MRPS2: variants seen among roughly 807,000 people sequenced by gnomAD.
The protein encoded by MRPS2 is mitochondrial ribosomal protein S2, also known as small ribosomal subunit protein uS2m.
In MRPS2, 13 loss-of-function variants were observed where a neutral mutation model predicts 18.9. The ratio of observed to expected loss-of-function variants is 0.69; its 90% CI spans 0.45 to 1.09. The LOEUF is 1.09. Among genes scored for constraint, MRPS2 ranks in the 50% least tolerant of loss-of-function variants. MRPS2 has a pLI of 0.00. For missense variants in MRPS2, 389 were observed against 421.7 expected (o/e 0.92, Z 0.68); for synonymous variants, 186 against 178.4 (o/e 1.04, Z -0.34).
At chr9:135,500,583 G>C, upstream of MRPS2, 1 of 1,083,350 alleles carries the variant, frequency 9.2e-7, no homozygotes, top group Non-Finnish European at 1.2e-6. Context: ...GGTCCCAGCC[G>C]CCTGGGGACA....
chr9:135,501,756 T>G (rs1317637036), intron 2 of MRPS2, 88 bp from the exon 3 acceptor site: 1 of 1,559,764 alleles, frequency 6.4e-7, no homozygotes, highest in African/African-American at 1.4e-5. Context: ...AGAAGGCACT[T>G]GGGAGCAGGG....
intron 3 of MRPS2, 142 bp from the exon 4 acceptor site, chr9:135,503,400 G>C (rs114368209): frequency 7.2e-7 from 1 of 1,387,012 alleles, no homozygotes; most frequent in South Asian, 1.5e-5. Flanking sequence ...CACGGGGAGC[G>C]TTGCAAATTG....
In MRPS2 at chr9:135,503,606, G is replaced by A. The variant is rs1822899539; in HGVS notation, c.364G>A (p.Ala122Thr). The A allele has an allele frequency of 6.2e-7, 1 of 1,613,788 alleles. No homozygotes were observed. Among genetic ancestry groups the A allele is most frequent in the Non-Finnish European group, 8.5e-7 (1 of 1,180,030 alleles). Residue 122 changes from alanine to threonine, a missense_variant, in exon 4 of 4, where the codon GCC becomes ACC. Coordinates refer to ENST00000241600, the MANE Select transcript of MRPS2 (RefSeq NM_016034.5). ...CGACATCATCGACCTGGAACAGACA[G>A]CCACGCACCTCCAGCTGGCCTTGAA... ...DHDIIDLEQT[A>T]THLQLALNFT... is the part of the protein sequence containing the mutation.
chr9:135,500,896 G>T, intron 1 of MRPS2, 102 bp from the exon 2 acceptor site: 2 of 1,568,120 alleles, frequency 1.3e-6, no homozygotes, highest in Non-Finnish European at 1.7e-6. Context: ...GGACGCGGAG[G>T]GGACCCGTTA....
chr9:135,500,031 A>C (rs1183317916), upstream of MRPS2: 2 of 693,080 alleles, frequency 2.9e-6, no homozygotes, highest in Non-Finnish European at 4.5e-6. Context: ...GGACGGCGAG[A>C]GATTCCCTGC....
At chr9:135,502,246 G>C in intron 3 of MRPS2, 1 of 1,265,554 alleles carries the variant, frequency 7.9e-7, no homozygotes, top group African/African-American at 1.5e-5. Context: ...AAATGGAAAG[G>C]CTGAGGGCAG....
In MRPS2 at chr9:135,504,318, C is replaced by T; in HGVS notation, c.*185C>T. 1 of 634,076 alleles carries T rather than the reference C, an allele frequency of 1.6e-6. No individual in the cohort carries two copies. The highest frequency in any genetic ancestry group is 2.7e-6 in the Non-Finnish European group (1 of 368,050). 39.3% of individuals were successfully genotyped at this position (634,076 alleles called of 1,614,324 possible). On this transcript the variant is annotated 3_prime_UTR_variant, in exon 4 of 4. Transcript: ENST00000241600. This position sits in a 1 kb window ranked among gnomAD's most constrained non-coding sequence, Gnocchi z 4.3. ...GGACCAACGTTGCCATGTGCGTTTGCTCTGTGGGGAACAGAGCACAGAGGG... is the reference window on the plus strand; with the variant it reads ...GGACCAACGTTGCCATGTGCGTTTGTTCTGTGGGGAACAGAGCACAGAGGG...
chr9:135,503,419 A>C, intron 3 of MRPS2, 123 bp from the exon 4 acceptor site: 1 of 1,389,874 alleles, frequency 7.2e-7, no homozygotes, highest in Non-Finnish European at 9.5e-7. Context: ...TGTGCTTCCC[A>C]GCCCATAGTG....
rs374733067 is a variant in MRPS2, at chr9:135,503,867, G to A, written c.625G>A (p.Val209Met). Residue 209 changes from valine (V) to methionine (M), a missense_variant, in exon 4 of 4, where the codon GTG becomes ATG. By Grantham distance (21) the Val-to-Met change is conservative (BLOSUM62 1). Transcript: ENST00000241600. ...CAACATCTTTGAGCCACACGTGGCC[G>A]TGAGAGACGCAGCCAAGATGAACAT... ...LNNIFEPHVA[V>M]RDAAKMNIPT... The A allele has an allele frequency of 2.1e-5, 34 of 1,613,862 alleles. No homozygotes were observed. Among genetic ancestry groups the A allele is most frequent in the African/African-American group, 1.5e-4 (11 of 74,940 alleles).
rs144195264 is a variant in MRPS2 at position 135,503,307 on chromosome 9, G to A, written c.300-235G>A. 3.6e-4 allele frequency: 508 copies of A among 1,404,822 alleles called. No individual in the cohort carries two copies. In the African/African-American group the frequency reaches 4.1e-3, roughly 11 times the overall value. 87.0% of individuals were successfully genotyped at this position (1,404,822 alleles called of 1,614,324 possible). Reference sequence around the variant, plus strand: ...AGTTCTATTAGGATTCCTTCGGGAAGAGGTAGAGGGTAGGAGGGGTTAAGC... The same window carrying A: ...AGTTCTATTAGGATTCCTTCGGGAAAAGGTAGAGGGTAGGAGGGGTTAAGC... On this transcript the variant is annotated intron_variant, in intron 3 of 3. Transcript: ENST00000241600.
At position 135,501,985 on chromosome 9, in the gene MRPS2, C is replaced by A. The variant is rs1202398598; in HGVS notation, c.299+12C>A. 6 of 1,613,050 alleles carry A rather than the reference C, an allele frequency of 3.7e-6. No homozygotes were observed. In the Admixed American group the frequency reaches 8.3e-5, roughly 22 times the overall value. On this transcript the variant is annotated intron_variant, in intron 3 of 3. Coordinates refer to ENST00000241600, the MANE Select transcript of MRPS2 (RefSeq NM_016034.5). ...GGCTGTCGGCACAGGTAGGTGACAC[C>A]CCCATCTGAGCCCGGGGCGGTTCCC...
chr9:135,504,032 C>G lies in MRPS2; in HGVS notation c.790C>G (p.Arg264Gly). 1 of 1,613,336 alleles carries G rather than the reference C, an allele frequency of 6.2e-7. No homozygotes were observed. The highest frequency in any genetic ancestry group is 1.1e-5 in the South Asian group (1 of 91,082). The change falls in exon 4 of 4, where the codon CGG becomes GGG. Residue 264 changes from arginine to glycine, a missense_variant. Coordinates refer to ENST00000241600, the MANE Select transcript of MRPS2 (RefSeq NM_016034.5). This position sits in a 1 kb window ranked among gnomAD's most constrained non-coding sequence, Gnocchi z 4.3. ...QTAITRAKEK[R>G]QQVEALYRLQ... is the part of the protein sequence containing the mutation. ...GGCCATCACCCGGGCCAAGGAGAAG[C>G]GGCAGCAGGTTGAGGCTCTCTATCG...
chr9:135,504,386 C>T lies in MRPS2; in HGVS notation c.*253C>T. 1 of 537,110 alleles carries T rather than the reference C, an allele frequency of 1.9e-6. No individual in the cohort carries two copies. The allele number at this position is 537,110 out of a possible 1,614,324, so 33.3% of individuals were successfully genotyped here. ...ACGGCCCCTTGGCTGCAGTTAGGACCTCAGTGGCTGGTATGGCCAAGCTGC... is the reference window on the plus strand; with the variant it reads ...ACGGCCCCTTGGCTGCAGTTAGGACTTCAGTGGCTGGTATGGCCAAGCTGC... On this transcript the variant is annotated 3_prime_UTR_variant, in exon 4 of 4. Coordinates refer to ENST00000241600, the MANE Select transcript of MRPS2 (RefSeq NM_016034.5). The surrounding 1 kb of genome is among the most constrained non-coding windows in gnomAD (Gnocchi z 4.3).
At chr9:135,503,097 G>GATCCAAA (rs1202298128) in intron 3 of MRPS2, 1 of 1,000,134 alleles carries the variant, frequency 1.0e-6, no homozygotes, top group East Asian at 1.1e-4. Flanking sequence ...GCCCAGGCTT[G>GATCCAAA]GCCACTCCTG....
At chr9:135,503,273 T>C in intron 3 of MRPS2, 2 of 1,324,044 alleles carry the variant, frequency 1.5e-6, no homozygotes, top group East Asian at 3.1e-5. Flanking sequence ...CACACATCCA[T>C]ATGGGGTCAG....
chr9:135,503,253 G>A (rs1831193245), intron 3 of MRPS2: 2 of 1,270,746 alleles, frequency 1.6e-6, no homozygotes. Context: ...TTGGCGTCAT[G>A]TTGGATGTCC....
At chr9:135,501,667 T>A in intron 2 of MRPS2, 177 bp from the exon 3 acceptor site, 1 of 1,421,216 alleles carries the variant, frequency 7.0e-7, no homozygotes, top group Non-Finnish European at 9.2e-7. Flanking sequence ...GCTCCAGCCC[T>A]CTGTTTCCTG....
rs770650168 is a variant in MRPS2, at chr9:135,504,393, G to A, written c.*260G>A. 3.8e-6 allele frequency: 2 copies of A among 528,566 alleles called. No homozygotes were observed. Among genetic ancestry groups the A allele is most frequent in the Non-Finnish European group, 6.7e-6 (2 of 299,042 alleles). The allele number at this position is 528,566 out of a possible 1,614,324, so 32.7% of individuals were successfully genotyped here. On this transcript the variant is annotated 3_prime_UTR_variant, in exon 4 of 4. Transcript: ENST00000241600. This position sits in a 1 kb window ranked among gnomAD's most constrained non-coding sequence, Gnocchi z 4.3. ...CTTGGCTGCAGTTAGGACCTCAGTG[G>A]CTGGTATGGCCAAGCTGCTAGAAGA...
intron 3 of MRPS2, chr9:135,502,351 C>G: frequency 1.7e-5 from 8 of 469,490 alleles, no homozygotes; most frequent in Non-Finnish European, 2.3e-5. Flanking sequence ...GTCATTTTGA[C>G]TGCTGTGGGG....
Sources: allele counts gnomAD v4.1 joint callset, GRCh38; gene constraint gnomAD v4.1.1; non-coding constraint Gnocchi (gnomAD v3.1); transcripts MANE v1.5; gene names NCBI Gene and HGNC (gene_info 2026-07-23, HGNC 2026-07-21).